Variants in STPG2 observed in about 807,000 individuals in gnomAD.
STPG2 encodes sperm-tail PG-rich repeat-containing protein 2.
A neutral mutation model predicts 54.2 loss-of-function variants in STPG2; 56 were observed. That is an observed-to-expected ratio of 1.03 (90% CI 0.83 to 1.29). STPG2 has a LOEUF of 1.29. Among genes scored for constraint, STPG2 ranks in the 50% most tolerant of loss-of-function variants. STPG2 has a pLI of 0.00. For synonymous variants in STPG2, 200 were observed against 181.8 expected (o/e 1.10, Z -0.81); for missense variants, 596 against 544.9 (o/e 1.09, Z -0.93).
chr4:98,086,454 T>G (rs533881521), intron 5 of STPG2, among the ~76,000 whole-genome samples: 8 of 152,102 alleles, frequency 5.3e-5, no homozygotes, highest in Non-Finnish European at 1.2e-4. Context: ...TATATAAATG[T>G]ACATATAATA....
At chr4:97,679,787 T>G (rs1208413955) in intron 10 of STPG2, among the ~76,000 whole-genome samples, 1 of 152,246 alleles carries the variant, frequency 6.6e-6, no homozygotes, top group Admixed American at 6.5e-5. Flanking sequence ...TTAATCCATC[T>G]TGAATGAATT....
chr4:98,048,388 A>C (rs1193369086), intron 5 of STPG2, among the ~76,000 whole-genome samples: 1 of 152,266 alleles, frequency 6.6e-6, no homozygotes, highest in Non-Finnish European at 1.5e-5. Flanking sequence ...AGTTTATCTT[A>C]AATTAGAAAG....
chr4:97,714,786 A>G (rs983136789), intron 9 of STPG2, among the ~76,000 whole-genome samples: 10 of 152,140 alleles, frequency 6.6e-5, no homozygotes, highest in African/African-American at 1.9e-4. Context: ...TCATAATTCC[A>G]TAGTCAGTTA....
chr4:97,733,239 C>A (rs891268988), intron 9 of STPG2, among the ~76,000 whole-genome samples: 1 of 151,908 alleles, frequency 6.6e-6, no homozygotes, highest in East Asian at 1.9e-4. Context: ...GTATATACAC[C>A]ACGGAAAACT....
chr4:98,016,362 C>T (rs1735946042), intron 5 of STPG2, among the ~76,000 whole-genome samples: 1 of 152,042 alleles, frequency 6.6e-6, no homozygotes, highest in African/African-American at 2.4e-5. Context: ...GTTTTCTGTC[C>T]CATTCTTTTT....
chr4:97,582,371 T>C (rs1466112628), intron 10 of STPG2, among the ~76,000 whole-genome samples: 1 of 151,998 alleles, frequency 6.6e-6, no homozygotes, highest in East Asian at 1.9e-4. Flanking sequence ...TAAACAACAC[T>C]TTTTTGGTAA....
chr4:97,948,110 T>C (rs1733310524), intron 7 of STPG2, among the ~76,000 whole-genome samples: 1 of 152,050 alleles, frequency 6.6e-6, no homozygotes, highest in South Asian at 2.1e-4. Flanking sequence ...TCTGGGTTGC[T>C]ATTTCTTCCC....
chr4:98,058,152 T>C (rs1307812070), intron 5 of STPG2, among the ~76,000 whole-genome samples: 3 of 152,108 alleles, frequency 2.0e-5, no homozygotes, highest in South Asian at 2.1e-4. Context: ...TAACCACATA[T>C]ACAAGTCTTC....
intron 8 of STPG2, among the ~76,000 whole-genome samples, chr4:97,905,382 A>C (rs1731365428): frequency 6.6e-6 from 1 of 152,114 alleles, no homozygotes. Context: ...GGAGAAATAA[A>C]ATACTTTACA....
rs545725888 is a variant in STPG2, at chr4:98,088,903, G to A, written c.612+17050C>T. Among the ~76,000 whole-genome samples, 79 of 151,872 alleles carry A rather than the reference G, an allele frequency of 5.2e-4. No homozygotes were observed. The South Asian group carries it at 0.016, about 31-fold the overall frequency. On this transcript the variant is annotated intron_variant, in intron 5 of 10. Transcript: ENST00000295268. The stretch of plus-strand genomic sequence containing the variant: ...CTTTGCTAAAGTAACCAATAATATC[G>A]AACTTCTGCAAAGTTCATTGGATGC...
intron 6 of STPG2, 69 bp from the exon 7 acceptor site, chr4:97,972,509 T>G: frequency 1.1e-6 from 1 of 926,404 alleles, no homozygotes; most frequent in East Asian, 2.9e-5. Flanking sequence ...AACTGAGTAA[T>G]TTTTAATTAA....
At chr4:97,777,752 A>G (rs938400550) in intron 9 of STPG2, among the ~76,000 whole-genome samples, 23 of 152,218 alleles carry the variant, frequency 1.5e-4, no homozygotes, top group African/African-American at 5.3e-4. Flanking sequence ...TAGATTAGAT[A>G]CTTTGAGCCC....
At chr4:97,938,690 C>T (rs1732854705) in intron 8 of STPG2, among the ~76,000 whole-genome samples, 1 of 152,180 alleles carries the variant, frequency 6.6e-6, no homozygotes, top group Admixed American at 6.5e-5. Flanking sequence ...CACTGCCTCC[C>T]TTGGCTGGTG....
chr4:97,952,125 T>G (rs537554681), intron 7 of STPG2, among the ~76,000 whole-genome samples: 1 of 152,242 alleles, frequency 6.6e-6, no homozygotes, highest in South Asian at 2.1e-4. Context: ...ATAGAGGAGT[T>G]CTGACTCTAC....
At chr4:98,139,164 C>G (rs1462400656) in intron 1 of STPG2, among the ~76,000 whole-genome samples, 1 of 152,120 alleles carries the variant, frequency 6.6e-6, no homozygotes, top group African/African-American at 2.4e-5. Flanking sequence ...TAGTCCTGTC[C>G]CTTCAGGTTG....
intron 8 of STPG2, among the ~76,000 whole-genome samples, chr4:97,920,078 C>A (rs1377936179): frequency 6.6e-6 from 1 of 152,132 alleles, no homozygotes; most frequent in Non-Finnish European, 1.5e-5. Context: ...CCTAAAAGAA[C>A]AGAAAGGACT....
At chr4:97,873,680 C>G (rs535821707) in intron 8 of STPG2, among the ~76,000 whole-genome samples, 2 of 151,382 alleles carry the variant, frequency 1.3e-5, no homozygotes, top group Non-Finnish European at 3.0e-5. Flanking sequence ...TCCTCATATC[C>G]TTAGATCCAA....
intron 8 of STPG2, among the ~76,000 whole-genome samples, chr4:97,852,702 C>T (rs559427195): frequency 1.3e-4 from 20 of 151,936 alleles, no homozygotes; most frequent in Middle Eastern, 3.4e-3. Flanking sequence ...ATGGTGATAA[C>T]AGGGAGAAAT....
At chr4:97,590,074 T>C (rs1733098114) in intron 10 of STPG2, among the ~76,000 whole-genome samples, 2 of 152,166 alleles carry the variant, frequency 1.3e-5, no homozygotes, top group Admixed American at 1.3e-4. Flanking sequence ...CCATGAGTCA[T>C]AGTCAGCTAA....
Sources: gnomAD v4.1 joint callset for allele counts (sites outside exome capture counted in the v4.1 genomes callset) on GRCh38, gnomAD v4.1.1 for gene constraint, MANE v1.5 for transcripts, NCBI Gene and HGNC (gene_info 2026-07-23, HGNC 2026-07-21) for gene names.